Variants in RBFOX1 observed in about 807,000 individuals in gnomAD.
The protein encoded by RBFOX1 is RNA binding protein fox-1 homolog 1.
In RBFOX1, 8 loss-of-function variants were observed where a neutral mutation model predicts 57.7. That is an observed-to-expected ratio of 0.14 (90% confidence interval 0.08 to 0.25). The LOEUF is 0.25. Among genes scored for constraint, RBFOX1 ranks in the 10% least tolerant of loss-of-function variants. The probability of loss-of-function intolerance (pLI) is 1.00; values close to 1 mark genes in which losing one functional copy is unlikely to be tolerated. For synonymous variants in RBFOX1, 326 were observed against 222.4 expected (o/e 1.47, Z -4.15); for missense variants, 611 against 548.5 (o/e 1.11, Z -1.14).
intron 3 of RBFOX1, among the ~76,000 whole-genome samples, chr16:6,886,579 C>T (rs932310255): frequency 6.6e-6 from 1 of 151,704 alleles, no homozygotes; most frequent in African/African-American, 2.4e-5. Flanking sequence ...ATGGTGAAAC[C>T]ATGTCTCTAC....
intron 4 of RBFOX1, among the ~76,000 whole-genome samples, chr16:5,958,904 C>A (rs191217627): frequency 6.6e-6 from 1 of 152,318 alleles, no homozygotes; most frequent in East Asian, 1.9e-4. Context: ...TAGGCACACC[C>A]TGATAGTCCA....
rs999598551 is a variant in RBFOX1, at chr16:7,283,820, C to T, written c.27+231722C>T. Among the ~76,000 whole-genome samples, 3 of 152,156 alleles carry T rather than the reference C, an allele frequency of 2.0e-5. No individual in the cohort carries two copies. In the South Asian group the frequency reaches 6.2e-4, roughly 32 times the overall value. Reference sequence around the variant, plus strand: ...CATAATTTACACACGGTAAAATGTACTCATTTTAGCACACAGTTCTTCAAG... The same window carrying T: ...CATAATTTACACACGGTAAAATGTATTCATTTTAGCACACAGTTCTTCAAG... On this transcript the variant is annotated intron_variant, in intron 4 of 15. Coordinates refer to ENST00000550418, the MANE Select transcript of RBFOX1 (RefSeq NM_018723.4).
chr16:7,636,700 C>T (rs533905896), intron 11 of RBFOX1, among the ~76,000 whole-genome samples: 30 of 152,300 alleles, frequency 2.0e-4, no homozygotes, highest in African/African-American at 6.7e-4. Flanking sequence ...AAGCCACAGA[C>T]ATTCATTTTC....
At chr16:5,863,303 G>T (rs1438467870) in intron 3 of RBFOX1, among the ~76,000 whole-genome samples, 1 of 152,248 alleles carries the variant, frequency 6.6e-6, no homozygotes, top group East Asian at 1.9e-4. Flanking sequence ...CCTGCTGGAA[G>T]TTTCCCACGT....
intron 2 of RBFOX1, among the ~76,000 whole-genome samples, chr16:6,463,737 G>T (rs964112131): frequency 1.3e-5 from 2 of 152,164 alleles, no homozygotes; most frequent in African/African-American, 4.8e-5. Flanking sequence ...GCAGAAAGAT[G>T]CTTACTAACC....
intron 4 of RBFOX1, among the ~76,000 whole-genome samples, chr16:7,192,852 A>T (rs1303399606): frequency 6.6e-6 from 1 of 152,214 alleles, no homozygotes; most frequent in Admixed American, 6.5e-5. Flanking sequence ...AATACGGAAG[A>T]TGAAGTCCGA....
chr16:6,948,375 CTTTTTTTTTTTTTTTT>C (rs968186299), intron 3 of RBFOX1, among the ~76,000 whole-genome samples: 1 of 67,968 alleles, frequency 1.5e-5, no homozygotes, highest in Non-Finnish European at 2.8e-5. Flanking sequence ...TTCTCCCTTT[CTTTTTTTTTTTTTTTT>C]TTTTTTTTTT....
At chr16:6,718,402 T>C (rs942633965) in intron 3 of RBFOX1, among the ~76,000 whole-genome samples, 1 of 152,102 alleles carries the variant, frequency 6.6e-6, no homozygotes, top group Admixed American at 6.6e-5. Context: ...TAATTACAAG[T>C]TTTGAAAAGT....
At chr16:5,992,294 G>A (rs758120888) in intron 4 of RBFOX1, among the ~76,000 whole-genome samples, 2 of 152,172 alleles carry the variant, frequency 1.3e-5, no homozygotes, top group Non-Finnish European at 2.9e-5. Context: ...GATTGCAATA[G>A]ATAGGGAAAA....
At chr16:7,354,847 A>G (rs1237006468) in intron 4 of RBFOX1, among the ~76,000 whole-genome samples, 1 of 152,214 alleles carries the variant, frequency 6.6e-6, no homozygotes, top group Admixed American at 6.5e-5. Context: ...GATATAGGAC[A>G]TTCATTTTAT....
intron 3 of RBFOX1, among the ~76,000 whole-genome samples, chr16:7,014,936 G>A (rs996358233): frequency 6.6e-6 from 1 of 152,110 alleles, no homozygotes; most frequent in Non-Finnish European, 1.5e-5. Flanking sequence ...ATATTGGCCA[G>A]GCTGGTCTCA....
chr16:6,474,769 G>A (rs1025991301), intron 2 of RBFOX1, among the ~76,000 whole-genome samples: 4 of 152,150 alleles, frequency 2.6e-5, no homozygotes, highest in Admixed American at 6.5e-5. Context: ...TAAGCTTCTA[G>A]AATTCTGGTT....
intron 3 of RBFOX1, among the ~76,000 whole-genome samples, chr16:6,944,997 C>G (rs750978742): frequency 2.6e-5 from 4 of 152,038 alleles, no homozygotes; most frequent in African/African-American, 9.7e-5. Flanking sequence ...TGAAAAGGGT[C>G]GTGACTTTTA....
chr16:7,340,745 C>A (rs1033291553), intron 4 of RBFOX1, among the ~76,000 whole-genome samples: 3 of 152,206 alleles, frequency 2.0e-5, no homozygotes, highest in African/African-American at 7.2e-5. Context: ...CATTCCAAAG[C>A]ACTCGAAGAT....
chr16:7,077,615 T>C (rs971252649), intron 4 of RBFOX1, among the ~76,000 whole-genome samples: 4 of 152,220 alleles, frequency 2.6e-5, no homozygotes, highest in Non-Finnish European at 4.4e-5. Flanking sequence ...ATCATGTTTG[T>C]GCCTTTTTGT....
At chr16:7,253,811 G>T (rs1377074602) in intron 4 of RBFOX1, among the ~76,000 whole-genome samples, 1 of 152,076 alleles carries the variant, frequency 6.6e-6, no homozygotes, top group African/African-American at 2.4e-5. Context: ...TCTTTTCCTT[G>T]TGTCTCCAAC....
At chr16:5,642,438 A>G (rs896850651) in intron 3 of RBFOX1, among the ~76,000 whole-genome samples, 1 of 152,186 alleles carries the variant, frequency 6.6e-6, no homozygotes, top group African/African-American at 2.4e-5. Context: ...ATTAGGTAAC[A>G]CTTGTGCTGG....
At chr16:6,776,360 G>A (rs376247285) in intron 3 of RBFOX1, among the ~76,000 whole-genome samples, 1 of 152,090 alleles carries the variant, frequency 6.6e-6, no homozygotes, top group Non-Finnish European at 1.5e-5. Context: ...GCAGTGAGCC[G>A]AGGTCATGCC....
intron 4 of RBFOX1, among the ~76,000 whole-genome samples, chr16:7,428,592 A>G (rs2098647019): frequency 6.7e-6 from 1 of 149,992 alleles, no homozygotes; most frequent in South Asian, 2.1e-4. Context: ...GCTGGTATCA[A>G]ACTCCTGACC....
Sources: allele counts gnomAD v4.1 joint callset (sites outside exome capture counted in the v4.1 genomes callset), GRCh38; gene constraint gnomAD v4.1.1; transcripts MANE v1.5; gene names NCBI Gene and HGNC (gene_info 2026-07-23, HGNC 2026-07-21).